The following ABCC3 variants were observed in gnomAD, a reference collection of about 807,000 sequenced individuals.
ABCC3 encodes the protein ATP-binding cassette sub-family C member 3.
ABCC3 carries 121 observed loss-of-function variants against 165.3 expected under a neutral mutation model. That is an observed-to-expected ratio of 0.73 (90% CI 0.63 to 0.85). The LOEUF (loss-of-function observed/expected upper bound fraction) is 0.85. Among genes scored for constraint, ABCC3 ranks in the 40% least tolerant of loss-of-function variants. The probability of loss-of-function intolerance (pLI) is 0.00; values close to 1 mark genes in which losing one functional copy is unlikely to be tolerated. For synonymous variants in ABCC3, 733 were observed against 810.1 expected (o/e 0.90, Z 1.62); for missense variants, 1,869 against 1,964.1 (o/e 0.95, Z 0.92).
chr17:50,659,040 AG>A, intron 6 of ABCC3, 196 bp from the exon 7 acceptor site: 1 of 550,142 alleles, frequency 1.8e-6, no homozygotes, highest in South Asian at 2.5e-5. Context: ...GGGTAGTGGT[AG>A]GAACTTCGGA....
chr17:50,668,532 T>C lies in ABCC3; in HGVS notation c.1870+15T>C. On this transcript the variant is annotated intron_variant, in intron 14 of 30. Coordinates refer to ENST00000285238, the MANE Select transcript of ABCC3 (RefSeq NM_003786.4). ...CATCTCCCCAGGTCTAGAGAGCCCC[T>C]ACCTGGGCTGCCTGCCCCAGTCCTT... The C allele has an allele frequency of 6.3e-7, 1 of 1,599,322 alleles. No homozygotes were observed. Among genetic ancestry groups the C allele is most frequent in the Non-Finnish European group, 8.6e-7 (1 of 1,167,732 alleles).
chr17:50,688,707 A>C (rs149044676), intron 30 of ABCC3, among the ~76,000 whole-genome samples: 2,324 of 149,918 alleles, frequency 0.016, 29 homozygotes, highest in Middle Eastern at 0.022. Context: ...GCCAACATGG[A>C]GAAACCCTGT....
intron 8 of ABCC3, 62 bp from the exon 9 acceptor site, chr17:50,663,619 G>T: frequency 6.4e-7 from 1 of 1,573,318 alleles, no homozygotes; most frequent in Non-Finnish European, 8.7e-7. Context: ...GCAAAGGGCA[G>T]CAGAGGAGGG....
At chr17:50,640,162 T>C (rs1225988013) in intron 1 of ABCC3, among the ~76,000 whole-genome samples, 3 of 152,232 alleles carry the variant, frequency 2.0e-5, no homozygotes, top group Non-Finnish European at 4.4e-5. Flanking sequence ...CCCTCAGCTC[T>C]GTGAGAATAA....
chr17:50,650,092 C>A (rs578261640), intron 1 of ABCC3, among the ~76,000 whole-genome samples: 1 of 152,146 alleles, frequency 6.6e-6, no homozygotes, highest in Non-Finnish European at 1.5e-5. Context: ...ATGGAGAGAA[C>A]CAAATTCTAG....
intron 1 of ABCC3, 73 bp from the exon 2 acceptor site, chr17:50,655,759 A>G (rs1214671014): frequency 7.2e-7 from 1 of 1,395,778 alleles, no homozygotes; most frequent in Non-Finnish European, 1.0e-6. Context: ...CTCTCCAGCT[A>G]AGCCATCTTC....
At chr17:50,680,324 G>A (rs1260272210) in intron 26 of ABCC3, among the ~76,000 whole-genome samples, 1 of 152,198 alleles carries the variant, frequency 6.6e-6, no homozygotes, top group East Asian at 1.9e-4. Context: ...CAGCCAAAGA[G>A]ACCAGCCTGG....
chr17:50,655,110 A>C (rs1268441393), intron 1 of ABCC3, among the ~76,000 whole-genome samples: 1 of 72,886 alleles, frequency 1.4e-5, no homozygotes, highest in Non-Finnish European at 2.6e-5. Flanking sequence ...AAAAAAAAAA[A>C]AAAAAAAAAG....
Position 50,683,638 on chromosome 17 carries a change from C to A in ABCC3, c.3836C>A (p.Pro1279His). Residue 1279 changes from proline to histidine, a missense_variant, in exon 27 of 31, where the codon CCT (proline) becomes CAT (histidine). Coordinates refer to ENST00000285238, the MANE Select transcript of ABCC3 (RefSeq NM_003786.4). ...EAPWVVEGSRPPEGWPPRGEV... is the reference protein window; with the variant it reads ...EAPWVVEGSRHPEGWPPRGEV... Reference sequence around the variant, plus strand: ...CCCTGGGTGGTGGAAGGCAGCCGCCCTCCCGAAGGTTGGCCCCCACGTGGG... The same window carrying A: ...CCCTGGGTGGTGGAAGGCAGCCGCCATCCCGAAGGTTGGCCCCCACGTGGG... The A allele has an allele frequency of 6.3e-7, 1 of 1,592,258 alleles. No individual in the cohort carries two copies. Among genetic ancestry groups the A allele is most frequent in the South Asian group, 1.1e-5 (1 of 88,942 alleles).
chr17:50,635,200 C>G (rs748221915), intron 1 of ABCC3: 1 of 625,564 alleles, frequency 1.6e-6, no homozygotes, highest in South Asian at 2.0e-5. Context: ...CCTGCTCTGC[C>G]CTTCCCGGCT....
rs1458690598 is a variant in ABCC3 at position 50,669,445 on chromosome 17, T to C, written c.2158T>C (p.Tyr720His). 8 of 1,614,142 alleles carry C rather than the reference T, an allele frequency of 5.0e-6. 1 individual carries two copies. The highest frequency in any genetic ancestry group is 5.9e-6 in the Non-Finnish European group (7 of 1,180,054). Residue 720 changes from tyrosine to histidine, a missense_variant, in exon 17 of 31, where the codon TAC becomes CAC. Transcript: ENST00000285238. ...LFGKALNPKR[Y>H]QQTLEACALL... is the part of the protein sequence containing the mutation. ...CGGCAAAGCCCTGAACCCCAAGCGC[T>C]ACCAGCAGACTCTGGAGGCCTGTGC...
At chr17:50,683,871 C>T (rs1967971759) in intron 27 of ABCC3, 78 bp from the exon 28 acceptor site, 12 of 1,562,342 alleles carry the variant, frequency 7.7e-6, no homozygotes, top group Middle Eastern at 1.7e-4. Context: ...CATGTTTGTT[C>T]GGCCTCCAGG....
intron 1 of ABCC3, among the ~76,000 whole-genome samples, chr17:50,642,552 C>G (rs1189777877): frequency 2.0e-5 from 3 of 152,204 alleles, no homozygotes; most frequent in African/African-American, 7.2e-5. Flanking sequence ...CATCGAAGTG[C>G]TTTGCTGTTC....
At position 50,660,313 on chromosome 17, in the gene ABCC3, G is replaced by A. The variant is rs368579166; in HGVS notation, c.807-610G>A. Among the ~76,000 whole-genome samples, 5 of 152,160 alleles carry A rather than the reference G, an allele frequency of 3.3e-5. No individual in the cohort carries two copies. In the East Asian group the frequency reaches 5.8e-4, roughly 18 times the overall value. The stretch of plus-strand genomic sequence containing the variant: ...CAACTGCCTCACCAAGAGAGCTGAC[G>A]CTGAGCATCATCTTTCTCCACCCAA... On this transcript the variant is annotated intron_variant, in intron 7 of 30. Coordinates refer to ENST00000285238, the MANE Select transcript of ABCC3 (RefSeq NM_003786.4).
intron 2 of ABCC3, 26 bp from the exon 3 acceptor site, chr17:50,656,676 G>A (rs368330771): frequency 1.8e-5 from 28 of 1,598,270 alleles, no homozygotes; most frequent in South Asian, 9.1e-5. Flanking sequence ...TGGGGATGCG[G>A]ATTCCAACCT....
chr17:50,672,437 C>T (rs983106969), intron 17 of ABCC3, among the ~76,000 whole-genome samples: 3 of 152,158 alleles, frequency 2.0e-5, no homozygotes, highest in Non-Finnish European at 4.4e-5. Flanking sequence ...GGCAGGACAC[C>T]AAGCTGGGCA....
intron 11 of ABCC3, 136 bp downstream of exon 11, chr17:50,665,381 C>A: frequency 1.4e-6 from 1 of 696,642 alleles, no homozygotes. Flanking sequence ...TTGCAGAAAC[C>A]ATAGCTCACT....
intron 1 of ABCC3, among the ~76,000 whole-genome samples, chr17:50,650,723 T>A (rs1967098328): frequency 1.3e-5 from 2 of 152,142 alleles, no homozygotes; most frequent in Non-Finnish European, 2.9e-5. Context: ...TTCATATAGA[T>A]TTTCCCCCTT....
intron 29 of ABCC3, 53 bp from the exon 30 acceptor site, chr17:50,687,483 C>T: frequency 1.3e-6 from 2 of 1,571,418 alleles, no homozygotes; most frequent in East Asian, 2.2e-5. Context: ...GAATGAGGCC[C>T]AGAGGCAGGT....
Sources: gnomAD v4.1 joint callset for allele counts (sites outside exome capture counted in the v4.1 genomes callset) on GRCh38, gnomAD v4.1.1 for gene constraint, MANE v1.5 for transcripts, NCBI Gene and HGNC (gene_info 2026-07-23, HGNC 2026-07-21) for gene names.